Variants in SBF2 observed in about 807,000 individuals in gnomAD.
The protein encoded by SBF2 is SET binding factor 2.
In SBF2, 112 loss-of-function variants were observed where a neutral mutation model predicts 225.2. That is an observed-to-expected ratio of 0.50 (90% CI 0.43 to 0.58). The LOEUF (loss-of-function observed/expected upper bound fraction) is 0.58, where lower values mean the gene tolerates loss of function less well. Ranked by LOEUF, SBF2 falls within the 20% of genes least tolerant of loss-of-function variation. The pLI is 0.00. For synonymous variants in SBF2, 763 were observed against 773.3 expected (o/e 0.99, Z 0.22); for missense variants, 1,996 against 2,206.2 (o/e 0.90, Z 1.91).
chr11:9,789,833 A>T (rs1423681975), intron 34 of SBF2, among the ~76,000 whole-genome samples: 1 of 152,194 alleles, frequency 6.6e-6, no homozygotes, highest in Admixed American at 6.5e-5. Context: ...TGACTTGGAG[A>T]AGTAGCCTGG....
At position 9,937,787 on chromosome 11, in the gene SBF2, T is replaced by C. The variant is rs367721167; in HGVS notation, c.1860+24170A>G. Among the ~76,000 whole-genome samples, 4 of 152,210 alleles carry C rather than the reference T, an allele frequency of 2.6e-5. No homozygotes were observed. The East Asian group carries it at 5.8e-4, about 22-fold the overall frequency. On this transcript the variant is annotated intron_variant, in intron 16 of 39. Coordinates refer to ENST00000256190, the MANE Select transcript of SBF2 (RefSeq NM_030962.4). ...AATGGATAGGTATTAAATAAGTATG[T>C]AAAAGCAATAGTTTTGATTTATTAT...
At chr11:10,022,891 C>T (rs1299512306) in intron 6 of SBF2, among the ~76,000 whole-genome samples, 2 of 152,082 alleles carry the variant, frequency 1.3e-5, no homozygotes, top group Admixed American at 6.6e-5. Flanking sequence ...TAATGTGTTC[C>T]TCTATTTTCT....
chr11:9,948,623 A>T (rs1237770693), intron 16 of SBF2, among the ~76,000 whole-genome samples: 2 of 152,178 alleles, frequency 1.3e-5, no homozygotes, highest in African/African-American at 4.8e-5. Context: ...TGGACACTAG[A>T]CATGCTCATT....
intron 2 of SBF2, among the ~76,000 whole-genome samples, chr11:10,154,544 C>A (rs1050308882): frequency 6.6e-6 from 1 of 152,070 alleles, no homozygotes; most frequent in South Asian, 2.1e-4. Context: ...AAGTCTTCTT[C>A]CCCCTTAAAC....
chr11:9,977,133 T>G (rs961507321), intron 13 of SBF2, among the ~76,000 whole-genome samples: 1 of 152,146 alleles, frequency 6.6e-6, no homozygotes, highest in African/African-American at 2.4e-5. Flanking sequence ...TCTTGGCCTA[T>G]CTTAATGTTC....
intron 3 of SBF2, among the ~76,000 whole-genome samples, chr11:10,035,393 CA>C (rs1412663017): frequency 6.6e-6 from 1 of 152,132 alleles, no homozygotes; most frequent in Non-Finnish European, 1.5e-5. Context: ...GCAATGGCAA[CA>C]AAAGCCAAAA....
At chr11:10,285,899 C>T (rs1489232093) in intron 1 of SBF2, among the ~76,000 whole-genome samples, 1 of 152,098 alleles carries the variant, frequency 6.6e-6, no homozygotes, top group Admixed American at 6.5e-5. Flanking sequence ...AGACACTTTA[C>T]AAAAAAATAC....
intron 22 of SBF2, among the ~76,000 whole-genome samples, chr11:9,849,514 G>A (rs1340640759): frequency 6.6e-6 from 1 of 152,174 alleles, no homozygotes; most frequent in Non-Finnish European, 1.5e-5. Context: ...GAAGTTATAG[G>A]AGTTTGGCAA....
intron 2 of SBF2, among the ~76,000 whole-genome samples, chr11:10,192,669 T>C (rs1957219978): frequency 6.6e-6 from 1 of 152,182 alleles, no homozygotes; most frequent in Non-Finnish European, 1.5e-5. Context: ...TATAGATAAG[T>C]ATTCTGCTGG....
intron 17 of SBF2, among the ~76,000 whole-genome samples, chr11:9,890,158 G>C (rs11042534): frequency 0.21 from 31,230 of 152,102 alleles, 4,110 homozygotes; most frequent in Non-Finnish European, 0.3. Context: ...AACTGCCTCG[G>C]CCTCCCGAAG....
At chr11:10,110,409 T>A (rs1240193800) in intron 2 of SBF2, among the ~76,000 whole-genome samples, 2 of 152,124 alleles carry the variant, frequency 1.3e-5, no homozygotes, top group Non-Finnish European at 2.9e-5. Flanking sequence ...TTTAAAACAA[T>A]TTTTGCTTTC....
At chr11:10,304,341 G>A (rs1476007791) in intron 1 of SBF2, among the ~76,000 whole-genome samples, 1 of 152,182 alleles carries the variant, frequency 6.6e-6, no homozygotes, top group Non-Finnish European at 1.5e-5. Context: ...TTACAAGGAG[G>A]CAAAATGAAA....
At chr11:9,969,246 G>A (rs1423287835) in intron 13 of SBF2, among the ~76,000 whole-genome samples, 2 of 152,114 alleles carry the variant, frequency 1.3e-5, no homozygotes, top group Admixed American at 6.6e-5. Context: ...TTTACAACTT[G>A]GCCAGTTTCA....
At chr11:10,045,250 C>T (rs1052918290) in intron 2 of SBF2, among the ~76,000 whole-genome samples, 2 of 151,772 alleles carry the variant, frequency 1.3e-5, no homozygotes, top group Admixed American at 6.6e-5. Flanking sequence ...TCACTGCAAC[C>T]TCCGCCTCCT....
At chr11:9,794,098 CT>C (rs367826762) in intron 33 of SBF2, among the ~76,000 whole-genome samples, 67 of 152,166 alleles carry the variant, frequency 4.4e-4, no homozygotes, top group African/African-American at 1.5e-3. Flanking sequence ...TGGGATATCG[CT>C]TGAGTCCCAG....
Position 9,780,533 on chromosome 11 carries a change from C to T in SBF2, c.5452-17G>A. ...GGTCTTGAGCTACAAAACCAAATGACAGTGAACCAGAGATGAAGGGCAGGG... is the reference window on the plus strand; with the variant it reads ...GGTCTTGAGCTACAAAACCAAATGATAGTGAACCAGAGATGAAGGGCAGGG... On this transcript the variant is annotated splice_polypyrimidine_tract_variant and intron_variant, in intron 39 of 39. Transcript: ENST00000256190. 6.2e-7 allele frequency: 1 copy of T among 1,609,084 alleles called. No homozygotes were observed. Among genetic ancestry groups the T allele is most frequent in the Non-Finnish European group, 8.5e-7 (1 of 1,175,440 alleles).
chr11:10,150,256 T>C (rs550800228), intron 2 of SBF2, among the ~76,000 whole-genome samples: 14 of 152,328 alleles, frequency 9.2e-5, no homozygotes, highest in Non-Finnish European at 1.6e-4. Flanking sequence ...ATATAAAGTA[T>C]AATTCTGATA....
At chr11:10,296,667 G>A (rs1964552587), upstream of SBF2, among the ~76,000 whole-genome samples, 1 of 151,980 alleles carries the variant, frequency 6.6e-6, no homozygotes, top group Non-Finnish European at 1.5e-5. Context: ...CCACCTTTTG[G>A]CATTGTGAAT....
At chr11:9,908,602 A>G (rs56165961) in intron 16 of SBF2, among the ~76,000 whole-genome samples, 55,418 of 151,818 alleles carry the variant, frequency 0.37, 10,983 homozygotes, top group African/African-American at 0.53. Flanking sequence ...ACTCCAGCCT[A>G]GGCGACAGAG....
Sources: allele counts gnomAD v4.1 joint callset (sites outside exome capture counted in the v4.1 genomes callset), GRCh38; gene constraint gnomAD v4.1.1; transcripts MANE v1.5; gene names NCBI Gene and HGNC (gene_info 2026-07-23, HGNC 2026-07-21).